Variants in LRRIQ1 observed in about 807,000 individuals in gnomAD.
The protein encoded by LRRIQ1 is leucine-rich repeat- and IQ domain-containing protein 1.
A neutral mutation model predicts 211.9 loss-of-function variants in LRRIQ1; 210 were observed. The ratio of observed to expected loss-of-function variants is 0.99; its 90% CI spans 0.89 to 1.11. The LOEUF is 1.11. Among genes scored for constraint, LRRIQ1 ranks in the 50% most tolerant of loss-of-function variants. The pLI, the probability that LRRIQ1 is intolerant of heterozygous loss-of-function variation, is 0.00. For synonymous variants in LRRIQ1, 699 were observed against 650.1 expected, an observed-to-expected ratio of 1.08 and a Z score of -1.14; for missense variants, 2,136 against 1,939.5, an observed-to-expected ratio of 1.10 and a Z score of -1.90.
intron 10 of LRRIQ1, among the ~76,000 whole-genome samples, chr12:85,068,302 A>C (rs941398109): frequency 1.4e-4 from 22 of 151,800 alleles, no homozygotes; most frequent in Admixed American, 3.3e-4. Context: ...AAGGGTGTAG[A>C]TAGAGGAATA....
chr12:85,261,646 G>A (rs1593036389), intron 1 of LRRIQ1, among the ~76,000 whole-genome samples: 2 of 151,918 alleles, frequency 1.3e-5, no homozygotes, highest in African/African-American at 4.8e-5. Context: ...TACTGAGGAA[G>A]CCCTGGAATG....
downstream of LRRIQ1, among the ~76,000 whole-genome samples, chr12:85,246,173 G>T (rs1895709592): frequency 6.6e-6 from 1 of 151,074 alleles, no homozygotes; most frequent in Admixed American, 6.6e-5. Context: ...AGAGCTTGAA[G>T]TTTTCTTACA....
rs946555066 is a variant in LRRIQ1, at chr12:85,244,959, A to G, written c.*18A>G. The G allele has an allele frequency of 1.2e-6, 2 of 1,607,220 alleles. No individual in the cohort carries two copies. The highest frequency in any genetic ancestry group is 2.7e-5 in the African/African-American group (2 of 74,430). On this transcript the variant is annotated 3_prime_UTR_variant, in exon 27 of 27. Coordinates refer to ENST00000393217, the MANE Select transcript of LRRIQ1 (RefSeq NM_001079910.2). Reference sequence around the variant, plus strand: ...TAATTTAGAAATCACAAACGAATTGATGGAACCTAATGCCAACAAGCATTC... The same window carrying G: ...TAATTTAGAAATCACAAACGAATTGGTGGAACCTAATGCCAACAAGCATTC...
intron 24 of LRRIQ1, among the ~76,000 whole-genome samples, chr12:85,165,266 C>T (rs1565879810): frequency 6.6e-6 from 1 of 151,864 alleles, no homozygotes; most frequent in Non-Finnish European, 1.5e-5. Flanking sequence ...CAAACAGGTA[C>T]CGTTTTTCAG....
chr12:85,116,663 G>A (rs754088337), intron 15 of LRRIQ1, among the ~76,000 whole-genome samples: 31 of 152,152 alleles, frequency 2.0e-4, no homozygotes, highest in Non-Finnish European at 3.8e-4. Flanking sequence ...CAGGTATGAA[G>A]CCCAGTACCC....
chr12:85,197,897 A>T (rs1893021803), intron 24 of LRRIQ1, among the ~76,000 whole-genome samples: 1 of 128,034 alleles, frequency 7.8e-6, no homozygotes, highest in South Asian at 2.2e-4. Context: ...TAATAAAAAT[A>T]TAATAAAATA....
intron 15 of LRRIQ1, among the ~76,000 whole-genome samples, chr12:85,111,941 T>C (rs1271811593): frequency 8.7e-6 from 1 of 114,704 alleles, no homozygotes; most frequent in East Asian, 2.2e-4. Flanking sequence ...ATTTTATATA[T>C]ATATACACAC....
chr12:85,206,970 G>T (rs114888526), intron 24 of LRRIQ1, among the ~76,000 whole-genome samples: 214 of 152,248 alleles, frequency 1.4e-3, no homozygotes, highest in African/African-American at 4.9e-3. Flanking sequence ...CTCCCCTGCA[G>T]ATGTTCCCAC....
At chr12:85,099,155 A>T (rs971701871) in intron 13 of LRRIQ1, among the ~76,000 whole-genome samples, 161 bp downstream of exon 13, 5 of 151,992 alleles carry the variant, frequency 3.3e-5, no homozygotes, top group African/African-American at 1.2e-4. Context: ...TAGAATTTTT[A>T]AAAATTAAGA....
intron 11 of LRRIQ1, among the ~76,000 whole-genome samples, chr12:85,091,814 A>G (rs1885426011): frequency 6.6e-6 from 1 of 152,166 alleles, no homozygotes; most frequent in African/African-American, 2.4e-5. Flanking sequence ...TTGTACGTGT[A>G]TGGCTTTATT....
rs1218958286 is a variant in LRRIQ1 at position 85,244,748 on chromosome 12, T to G, written c.5017-41T>G. On this transcript the variant is annotated intron_variant, in intron 26 of 26. Transcript: ENST00000393217. Reference sequence around the variant, plus strand: ...GAGCTGCATTCAGAAAATGCCATATTTTGTTTCATGATTGTATACATTCTC... The same window carrying G: ...GAGCTGCATTCAGAAAATGCCATATGTTGTTTCATGATTGTATACATTCTC... 3 of 1,567,694 alleles carry G rather than the reference T, an allele frequency of 1.9e-6. No homozygotes were observed. The Admixed American group carries it at 5.1e-5, about 27-fold the overall frequency.
At chr12:85,064,812 C>T (rs912983184) in intron 8 of LRRIQ1, among the ~76,000 whole-genome samples, 4 of 151,614 alleles carry the variant, frequency 2.6e-5, no homozygotes, top group African/African-American at 9.7e-5. Context: ...GTTCTTGGCA[C>T]CTTTGTCGAA....
chr12:85,101,510 G>T (rs1243484837), intron 13 of LRRIQ1, among the ~76,000 whole-genome samples: 1 of 151,660 alleles, frequency 6.6e-6, no homozygotes, highest in Non-Finnish European at 1.5e-5. Flanking sequence ...TCTTTTTAAT[G>T]CCCAGGGCTA....
At chr12:85,219,609 A>G (rs1163434940) in intron 24 of LRRIQ1, among the ~76,000 whole-genome samples, 7 of 152,022 alleles carry the variant, frequency 4.6e-5, no homozygotes, top group African/African-American at 1.2e-4. Flanking sequence ...CCTCTCTGCC[A>G]TAAAATATAG....
In LRRIQ1 at chr12:85,046,066, A is replaced by C. The variant is rs1451165416; in HGVS notation, c.383A>C (p.Asp128Ala). Residue 128 changes from aspartate to alanine, a missense_variant, in exon 5 of 27, where the codon GAT becomes GCT. Asp to Ala is a moderately radical substitution (Grantham distance 126). Coordinates refer to ENST00000393217, the MANE Select transcript of LRRIQ1 (RefSeq NM_001079910.2). ...GAAGAATTTATGAGAAGTAAAACCG[A>C]TTGTGCCACTCCTGATTTTGTTCCT... Reference protein sequence around the residue: ...EKEEFMRSKTDCATPDFVPEP... With the variant: ...EKEEFMRSKTACATPDFVPEP... 1 of 1,611,958 alleles carries C rather than the reference A, an allele frequency of 6.2e-7. No homozygotes were observed.
At chr12:85,231,047 C>CAA (rs1238327953) in intron 25 of LRRIQ1, among the ~76,000 whole-genome samples, 51 of 126,732 alleles carry the variant, frequency 4.0e-4, no homozygotes, top group African/African-American at 1.5e-3. Flanking sequence ...GACTCCACCT[C>CAA]AAAAAAAAAA....
At chr12:85,265,433 T>A (rs1371077172), downstream of LRRIQ1, among the ~76,000 whole-genome samples, 1 of 152,006 alleles carries the variant, frequency 6.6e-6, no homozygotes, top group South Asian at 2.1e-4. Context: ...TTCTAACTAG[T>A]CACTAATATG....
downstream of LRRIQ1, among the ~76,000 whole-genome samples, chr12:85,267,436 G>T (rs142838441): frequency 6.6e-6 from 1 of 151,944 alleles, no homozygotes; most frequent in Non-Finnish European, 1.5e-5. Context: ...AGTAATTTTA[G>T]ATTAACATCT....
intron 24 of LRRIQ1, among the ~76,000 whole-genome samples, chr12:85,173,507 C>T (rs2136825693): frequency 6.6e-6 from 1 of 152,228 alleles, no homozygotes; most frequent in Non-Finnish European, 1.5e-5. Context: ...CTGATGAGGG[C>T]TCCTGTCTTG....
Sources: allele counts gnomAD v4.1 joint callset (sites outside exome capture counted in the v4.1 genomes callset), GRCh38; gene constraint gnomAD v4.1.1; transcripts MANE v1.5; gene names NCBI Gene and HGNC (gene_info 2026-07-23, HGNC 2026-07-21).